TANC2: variants seen among roughly 807,000 people sequenced by gnomAD.
TANC2 encodes protein TANC2.
In TANC2, 26 loss-of-function variants were observed where a neutral mutation model predicts 210.5. The ratio of observed to expected loss-of-function variants is 0.12; its 90% CI spans 0.09 to 0.17. TANC2 has a LOEUF of 0.17. Among genes scored for constraint, TANC2 ranks in the 10% least tolerant of loss-of-function variants. The probability of loss-of-function intolerance (pLI) is 1.00; values close to 1 mark genes in which losing one functional copy is unlikely to be tolerated. For synonymous variants in TANC2, 931 were observed against 967.1 expected, an observed-to-expected ratio of 0.96 and a Z score of 0.69; for missense variants, 2,129 against 2,608.9, an observed-to-expected ratio of 0.82 and a Z score of 4.01.
chr17:62,988,917 A>G (rs2032713676), intron 1 of TANC2, among the ~76,000 whole-genome samples: 1 of 152,214 alleles, frequency 6.6e-6, no homozygotes, highest in South Asian at 2.1e-4. Flanking sequence ...GGTTGGAGAA[A>G]AGGAGCCAAA....
At chr17:63,140,322 A>G (rs2039242814) in intron 4 of TANC2, among the ~76,000 whole-genome samples, 1 of 152,248 alleles carries the variant, frequency 6.6e-6, no homozygotes, top group East Asian at 1.9e-4. Context: ...CTATATTGCC[A>G]TAACAAACCA....
chr17:63,278,336 A>G (rs1005008734), intron 9 of TANC2, among the ~76,000 whole-genome samples: 1 of 152,220 alleles, frequency 6.6e-6, no homozygotes, highest in African/African-American at 2.4e-5. Flanking sequence ...CATTTCTTCA[A>G]AGAAGACATA....
intron 2 of TANC2, among the ~76,000 whole-genome samples, chr17:63,068,366 A>G (rs1483372139): frequency 2.6e-5 from 4 of 152,172 alleles, no homozygotes; most frequent in African/African-American, 4.8e-5. Flanking sequence ...ATAAAAATTA[A>G]CGCAACTGTC....
At chr17:63,185,709 T>C (rs897524716) in intron 5 of TANC2, among the ~76,000 whole-genome samples, 4 of 152,222 alleles carry the variant, frequency 2.6e-5, no homozygotes, top group Admixed American at 2.6e-4. Context: ...ACTGTATATG[T>C]GTAGCAGTAT....
intron 4 of TANC2, among the ~76,000 whole-genome samples, chr17:63,121,274 G>A (rs1350322001): frequency 6.6e-6 from 1 of 152,096 alleles, no homozygotes; most frequent in Non-Finnish European, 1.5e-5. Context: ...TGCAGCTTAG[G>A]ACAGGTTAAC....
intron 3 of TANC2, among the ~76,000 whole-genome samples, chr17:63,077,143 G>T (rs1290820482): frequency 3.3e-5 from 5 of 152,132 alleles, no homozygotes; most frequent in Non-Finnish European, 4.4e-5. Flanking sequence ...CATGCTTCTG[G>T]GGGGTGGGAG....
intron 2 of TANC2, among the ~76,000 whole-genome samples, chr17:63,053,729 T>A (rs1385884477): frequency 6.6e-6 from 1 of 152,224 alleles, no homozygotes; most frequent in African/African-American, 2.4e-5. Flanking sequence ...CCGCATAGTC[T>A]CCTCATCCCC....
intron 5 of TANC2, among the ~76,000 whole-genome samples, chr17:63,181,118 A>G (rs1005530439): frequency 2.0e-5 from 3 of 151,556 alleles, no homozygotes; most frequent in African/African-American, 4.8e-5. Flanking sequence ...TAAATTTGCA[A>G]TGTCACAGAG....
intron 12 of TANC2, among the ~76,000 whole-genome samples, chr17:63,341,506 T>C (rs957593320): frequency 8.5e-5 from 13 of 152,214 alleles, no homozygotes; most frequent in African/African-American, 3.1e-4. Context: ...TTCTCGAGTT[T>C]AGTGCTCTTT....
intron 1 of TANC2, among the ~76,000 whole-genome samples, chr17:63,000,968 CAAAAAAAA>C (rs3060700): frequency 8.2e-6 from 1 of 121,980 alleles, no homozygotes; most frequent in African/African-American, 2.8e-5. Flanking sequence ...TTAGAACTAG[CAAAAAAAA>C]AAAAAAAAAA....
In TANC2 at chr17:63,079,505, C is replaced by G. The variant is rs185436729; in HGVS notation, c.139+5491C>G. Among the ~76,000 whole-genome samples, 239 of 152,248 alleles carry G rather than the reference C, an allele frequency of 1.6e-3. 1 individual carries two copies. Among genetic ancestry groups the G allele is most frequent in the Non-Finnish European group, 4.1e-4 (28 of 68,024 alleles). ...ATTCAGTTAAGGCATAGTGTGCTTA[C>G]TTCATCTTAACCTTCTGTTTTATTA... On this transcript the variant is annotated intron_variant, in intron 3 of 27. Transcript: ENST00000689528.
chr17:62,971,489 C>A (rs2031692013), intron 1 of TANC2, among the ~76,000 whole-genome samples: 1 of 152,180 alleles, frequency 6.6e-6, no homozygotes, highest in Non-Finnish European at 1.5e-5. Context: ...GCCACCATAT[C>A]CAGCTAATTT....
intron 8 of TANC2, among the ~76,000 whole-genome samples, chr17:63,239,217 T>C (rs1333918735): frequency 6.6e-6 from 1 of 152,034 alleles, no homozygotes; most frequent in Non-Finnish European, 1.5e-5. Flanking sequence ...CATCATTCCT[T>C]AGCACCTACT....
chr17:63,024,741 G>A (rs2034482866), intron 2 of TANC2, among the ~76,000 whole-genome samples: 1 of 152,156 alleles, frequency 6.6e-6, no homozygotes, highest in Non-Finnish European at 1.5e-5. Context: ...AGACTTTATA[G>A]GTGAGATATT....
chr17:63,033,593 A>G (rs532472165), intron 2 of TANC2, among the ~76,000 whole-genome samples: 6 of 152,174 alleles, frequency 3.9e-5, no homozygotes, highest in Admixed American at 6.6e-5. Flanking sequence ...AGAACCAAAT[A>G]GATGTTTCCT....
chr17:63,024,422 G>T (rs1309680253), intron 2 of TANC2, among the ~76,000 whole-genome samples: 2 of 152,196 alleles, frequency 1.3e-5, no homozygotes, highest in African/African-American at 4.8e-5. Flanking sequence ...TGGGCATGTA[G>T]CAGTGAGGAT....
chr17:63,113,016 A>G (rs867248642), intron 4 of TANC2, among the ~76,000 whole-genome samples: 5 of 152,148 alleles, frequency 3.3e-5, no homozygotes, highest in African/African-American at 7.2e-5. Flanking sequence ...CCCACCTGCT[A>G]TGGAATGTGA....
intron 4 of TANC2, among the ~76,000 whole-genome samples, chr17:63,141,014 T>C (rs1199838975): frequency 6.6e-6 from 1 of 151,772 alleles, no homozygotes; most frequent in Non-Finnish European, 1.5e-5. Flanking sequence ...CCTCCCAAAG[T>C]GCTGGGATTA....
intron 9 of TANC2, among the ~76,000 whole-genome samples, chr17:63,300,214 C>G (rs2044668707): frequency 6.6e-6 from 1 of 152,130 alleles, no homozygotes; most frequent in Non-Finnish European, 1.5e-5. Flanking sequence ...AGTCAGGTAG[C>G]ATGATGCCTC....
Sources: allele counts gnomAD v4.1 joint callset (sites outside exome capture counted in the v4.1 genomes callset), GRCh38; gene constraint gnomAD v4.1.1; transcripts MANE v1.5; gene names NCBI Gene and HGNC (gene_info 2026-07-23, HGNC 2026-07-21).